ADAMTSL1: variants seen among roughly 807,000 people sequenced by gnomAD.
ADAMTSL1 encodes ADAMTS-like protein 1.
In ADAMTSL1, 126 loss-of-function variants were observed where a neutral mutation model predicts 201.8. That is an observed-to-expected ratio of 0.62 (90% CI 0.54 to 0.72). ADAMTSL1 has a LOEUF of 0.72. Among genes scored for constraint, ADAMTSL1 ranks in the 30% least tolerant of loss-of-function variants. The probability of loss-of-function intolerance (pLI) is 0.00; values close to 1 mark genes in which losing one functional copy is unlikely to be tolerated. For synonymous variants in ADAMTSL1, 1,121 were observed against 903.4 expected, an observed-to-expected ratio of 1.24 and a Z score of -4.32; for missense variants, 2,679 against 2,277.8, an observed-to-expected ratio of 1.18 and a Z score of -3.59.
chr9:18,797,550 T>C (rs1460936963), intron 20 of ADAMTSL1, among the ~76,000 whole-genome samples: 1 of 152,140 alleles, frequency 6.6e-6, no homozygotes, highest in Non-Finnish European at 1.5e-5. Flanking sequence ...TTCAAATGTA[T>C]GCATGGAGAC....
chr9:18,454,610 CT>C (rs2131683768), intron 2 of ADAMTSL1, among the ~76,000 whole-genome samples: 1 of 152,272 alleles, frequency 6.6e-6, no homozygotes, highest in Non-Finnish European at 1.5e-5. Context: ...GCAATTCAGG[CT>C]TGCATTTTGT....
At chr9:18,740,396 G>C (rs1390919665) in intron 15 of ADAMTSL1, among the ~76,000 whole-genome samples, 1 of 137,778 alleles carries the variant, frequency 7.3e-6, no homozygotes, top group Non-Finnish European at 1.6e-5. Flanking sequence ...AAGGAGAGAA[G>C]AGAGGAGCAA....
At chr9:18,527,510 G>A (rs947207770) in intron 2 of ADAMTSL1, among the ~76,000 whole-genome samples, 1 of 152,064 alleles carries the variant, frequency 6.6e-6, no homozygotes, top group Non-Finnish European at 1.5e-5. Context: ...TATGAGAAGG[G>A]GGATGGGGGA....
At chr9:18,818,123 C>T (rs1488324398) in intron 21 of ADAMTSL1, among the ~76,000 whole-genome samples, 1 of 152,188 alleles carries the variant, frequency 6.6e-6, no homozygotes, top group African/African-American at 2.4e-5. Flanking sequence ...TTCATGTAGA[C>T]CACTCATTTG....
At chr9:18,191,668 A>T (rs921720276) in intron 2 of ADAMTSL1, among the ~76,000 whole-genome samples, 3 of 152,176 alleles carry the variant, frequency 2.0e-5, no homozygotes, top group African/African-American at 7.2e-5. Flanking sequence ...GCCAGCATGG[A>T]TGCCCAACTT....
chr9:18,388,399 G>C (rs920316538), intron 2 of ADAMTSL1, among the ~76,000 whole-genome samples: 4 of 151,898 alleles, frequency 2.6e-5, no homozygotes, highest in Non-Finnish European at 5.9e-5. Flanking sequence ...TCTGCCTCCT[G>C]AGTAGCGGAA....
intron 1 of ADAMTSL1, among the ~76,000 whole-genome samples, chr9:18,069,030 G>T (rs192779416): frequency 1.2e-4 from 18 of 152,272 alleles, no homozygotes; most frequent in Non-Finnish European, 2.2e-4. Context: ...CATGTGTAAA[G>T]ACAGGAAGAT....
At chr9:18,524,870 G>C (rs183319450) in intron 2 of ADAMTSL1, among the ~76,000 whole-genome samples, 1 of 152,122 alleles carries the variant, frequency 6.6e-6, no homozygotes, top group Non-Finnish European at 1.5e-5. Flanking sequence ...TTTTTGAATC[G>C]ATGTTCATCA....
chr9:18,842,172 T>C (rs1317112270), intron 23 of ADAMTSL1, among the ~76,000 whole-genome samples: 1 of 152,196 alleles, frequency 6.6e-6, no homozygotes, highest in African/African-American at 2.4e-5. Context: ...CTTGCGGGCA[T>C]TTAGTGCTAT....
chr9:18,044,468 T>C (rs1309896025), intron 1 of ADAMTSL1, among the ~76,000 whole-genome samples: 1 of 152,122 alleles, frequency 6.6e-6, no homozygotes, highest in Non-Finnish European at 1.5e-5. Context: ...GGGACCAGTC[T>C]TCATAACTCT....
intron 1 of ADAMTSL1, among the ~76,000 whole-genome samples, chr9:18,104,038 C>T (rs1473310449): frequency 6.6e-6 from 1 of 152,120 alleles, no homozygotes; most frequent in Non-Finnish European, 1.5e-5. Flanking sequence ...TGTGTGTGTG[C>T]ACATATACAA....
chr9:18,176,987 A>C (rs1254752193), intron 2 of ADAMTSL1, among the ~76,000 whole-genome samples: 1 of 152,234 alleles, frequency 6.6e-6, no homozygotes, highest in African/African-American at 2.4e-5. Context: ...TCAGGTAGAC[A>C]TTATTATAGT....
chr9:18,320,129 T>A (rs1473536999), intron 2 of ADAMTSL1, among the ~76,000 whole-genome samples: 1 of 151,964 alleles, frequency 6.6e-6, no homozygotes, highest in Non-Finnish European at 1.5e-5. Context: ...AGAGTCTGGA[T>A]GAACAAGAAA....
intron 23 of ADAMTSL1, among the ~76,000 whole-genome samples, chr9:18,873,974 T>C (rs1202086213): frequency 6.6e-6 from 1 of 152,090 alleles, no homozygotes; most frequent in Non-Finnish European, 1.5e-5. Flanking sequence ...TTTTCAGCAG[T>C]GTTTTGTAGT....
At chr9:18,285,158 A>G (rs1385905043) in intron 2 of ADAMTSL1, among the ~76,000 whole-genome samples, 2 of 152,136 alleles carry the variant, frequency 1.3e-5, no homozygotes, top group African/African-American at 4.8e-5. Flanking sequence ...AATATATTCA[A>G]ACTCTCAAAG....
intron 3 of ADAMTSL1, among the ~76,000 whole-genome samples, chr9:18,545,514 C>A (rs374974328): frequency 1.3e-5 from 2 of 152,116 alleles, no homozygotes; most frequent in African/African-American, 4.8e-5. Flanking sequence ...AATTATAATT[C>A]TTCAAGGCTA....
At chr9:18,728,218 C>T (rs1014620896) in intron 15 of ADAMTSL1, among the ~76,000 whole-genome samples, 1 of 152,104 alleles carries the variant, frequency 6.6e-6, no homozygotes, top group Non-Finnish European at 1.5e-5. Flanking sequence ...CATCATGTCA[C>T]CTGAAAGCAT....
At chr9:18,549,895 T>C (rs1391810034) in intron 3 of ADAMTSL1, among the ~76,000 whole-genome samples, 1 of 151,902 alleles carries the variant, frequency 6.6e-6, no homozygotes, top group African/African-American at 2.4e-5. Flanking sequence ...AATATCAAGT[T>C]TCATCTTTGG....
intron 2 of ADAMTSL1, among the ~76,000 whole-genome samples, chr9:18,199,003 G>A (rs964009399): frequency 1.3e-4 from 18 of 141,866 alleles, no homozygotes; most frequent in Admixed American, 3.7e-4. Context: ...GTAAACTATC[G>A]CAAGAACAAA....
Sources: allele counts gnomAD v4.1 joint callset (sites outside exome capture counted in the v4.1 genomes callset), GRCh38; gene constraint gnomAD v4.1.1; transcripts MANE v1.5; gene names NCBI Gene and HGNC (gene_info 2026-07-23, HGNC 2026-07-21).